The following LHFPL3 variants were observed in gnomAD, a reference collection of about 807,000 sequenced individuals.
LHFPL3 encodes the protein LHFPL tetraspan subfamily member 3.
Under a neutral mutation model 19.3 loss-of-function variants are expected in LHFPL3, and 5 were observed. The observed-to-expected ratio is 0.26, with a 90% CI of 0.14 to 0.54. The LOEUF (loss-of-function observed/expected upper bound fraction) is 0.54. Ranked by LOEUF, LHFPL3 falls within the 20% of genes least tolerant of loss-of-function variation. The pLI, the probability that LHFPL3 is intolerant of heterozygous loss-of-function variation, is 0.94. For synonymous variants in LHFPL3, 133 were observed against 126.2 expected (o/e 1.05, Z -0.36); for missense variants, 249 against 307.4 (o/e 0.81, Z 1.42).
At chr7:104,672,461 G>A (rs7791120) in intron 1 of LHFPL3, among the ~76,000 whole-genome samples, 10,811 of 152,166 alleles carry the variant, frequency 0.071, 642 homozygotes, top group African/African-American at 0.16. Flanking sequence ...GAATGAATGC[G>A]TAAGTGAGTA....
chr7:104,371,542 G>C (rs1438344702), intron 1 of LHFPL3, among the ~76,000 whole-genome samples: 1 of 152,106 alleles, frequency 6.6e-6, no homozygotes, highest in East Asian at 1.9e-4. Context: ...ATAGCTCACT[G>C]TTTTCACTTC....
At chr7:104,484,394 A>G (rs564411006) in intron 1 of LHFPL3, among the ~76,000 whole-genome samples, 3 of 152,276 alleles carry the variant, frequency 2.0e-5, no homozygotes, top group African/African-American at 7.2e-5. Flanking sequence ...CAGCATGGCC[A>G]TTGCTGGGCC....
rs916416852 is a variant in LHFPL3, at chr7:104,663,597, C to G, written c.446-73078C>G. Among the ~76,000 whole-genome samples, 3 of 152,156 alleles carry G rather than the reference C, an allele frequency of 2.0e-5. 1 individual carries two copies. Among genetic ancestry groups the G allele is most frequent in the Admixed American group, 1.3e-4 (2 of 15,280 alleles). On this transcript the variant is annotated intron_variant, in intron 1 of 2. Coordinates refer to ENST00000424859, the MANE Select transcript of LHFPL3 (RefSeq NM_199000.3). Reference sequence around the variant, plus strand: ...AAAGACTCATATGCCCTGCTAGCAGCCTTATTGTCATGGGAAGCCAAAGAC... The same window carrying G: ...AAAGACTCATATGCCCTGCTAGCAGGCTTATTGTCATGGGAAGCCAAAGAC...
At chr7:104,342,202 GGAATT>G (rs2116368257) in intron 1 of LHFPL3, among the ~76,000 whole-genome samples, 1 of 151,798 alleles carries the variant, frequency 6.6e-6, no homozygotes, top group Non-Finnish European at 1.5e-5. Context: ...AAGAAATTGA[GGAATT>G]CAGAACTCTA....
chr7:104,769,504 A>T (rs905407368), intron 2 of LHFPL3, among the ~76,000 whole-genome samples: 3 of 152,196 alleles, frequency 2.0e-5, no homozygotes, highest in Admixed American at 1.3e-4. Context: ...ACATGTGCAG[A>T]ACATGCAGGT....
At chr7:104,474,156 A>G (rs1021466900) in intron 1 of LHFPL3, among the ~76,000 whole-genome samples, 5 of 152,158 alleles carry the variant, frequency 3.3e-5, no homozygotes, top group Admixed American at 3.3e-4. Flanking sequence ...AAGTCCACCA[A>G]TTGTATAAGA....
intron 1 of LHFPL3, chr7:104,669,312 G>T: frequency 6.2e-7 from 1 of 1,613,978 alleles, no homozygotes; most frequent in Non-Finnish European, 8.5e-7. Context: ...GACCAGGAAG[G>T]AAAGATGAAA....
chr7:104,653,060 CA>C (rs1207322802), intron 1 of LHFPL3, among the ~76,000 whole-genome samples: 1 of 132,698 alleles, frequency 7.5e-6, no homozygotes, highest in African/African-American at 2.8e-5. Context: ...TAAATTCTGG[CA>C]GCCTTAAGGT....
chr7:104,880,504 A>C (rs1198826039), intron 2 of LHFPL3, among the ~76,000 whole-genome samples: 1 of 152,166 alleles, frequency 6.6e-6, no homozygotes, highest in Non-Finnish European at 1.5e-5. Context: ...ACTAAGTTGA[A>C]GCCAGTGCTC....
intron 2 of LHFPL3, among the ~76,000 whole-genome samples, chr7:104,783,555 C>T (rs34680468): frequency 0.15 from 23,090 of 152,166 alleles, 2,148 homozygotes; most frequent in East Asian, 0.46. Context: ...AATGCACCGA[C>T]GATATTTGTA....
chr7:104,502,163 A>G (rs748323336), intron 1 of LHFPL3, among the ~76,000 whole-genome samples: 3 of 152,234 alleles, frequency 2.0e-5, no homozygotes, highest in Admixed American at 6.5e-5. Context: ...TTTCACATCC[A>G]AAAGAACTGC....
chr7:104,880,859 A>C (rs543903317), intron 2 of LHFPL3, among the ~76,000 whole-genome samples: 1 of 152,250 alleles, frequency 6.6e-6, no homozygotes, highest in South Asian at 2.1e-4. Context: ...TTCTACTTTC[A>C]AGTCTTATTA....
intron 1 of LHFPL3, among the ~76,000 whole-genome samples, chr7:104,630,088 G>C (rs961472536): frequency 6.6e-6 from 1 of 152,156 alleles, no homozygotes; most frequent in Non-Finnish European, 1.5e-5. Flanking sequence ...AGAAATATAG[G>C]AGAAATAAAA....
intron 1 of LHFPL3, among the ~76,000 whole-genome samples, chr7:104,561,597 C>A (rs1790005156): frequency 6.6e-6 from 1 of 152,174 alleles, no homozygotes; most frequent in East Asian, 1.9e-4. Context: ...AGATGGGTTT[C>A]CTGAATACAG....
chr7:104,552,741 T>C (rs79566037), intron 1 of LHFPL3, among the ~76,000 whole-genome samples: 6,755 of 152,284 alleles, frequency 0.044, 461 homozygotes, highest in African/African-American at 0.15. Context: ...GGAAATATTT[T>C]AAGTGTAGAG....
intron 1 of LHFPL3, among the ~76,000 whole-genome samples, chr7:104,362,954 A>T (rs890535699): frequency 1.3e-5 from 2 of 152,256 alleles, no homozygotes; most frequent in African/African-American, 4.8e-5. Flanking sequence ...TCTGAAAAAA[A>T]TACCTCAAAC....
chr7:104,595,736 C>T (rs543282200), intron 1 of LHFPL3, among the ~76,000 whole-genome samples: 94 of 152,344 alleles, frequency 6.2e-4, no homozygotes, highest in African/African-American at 2.2e-3. Context: ...GCTTCTTGGC[C>T]GCTTTGTTTA....
intron 1 of LHFPL3, among the ~76,000 whole-genome samples, chr7:104,719,103 T>A (rs963761539): frequency 2.6e-5 from 4 of 152,184 alleles, no homozygotes; most frequent in African/African-American, 9.6e-5. Flanking sequence ...TTTATTAAAA[T>A]TTTTATTAAA....
At chr7:104,708,984 A>G (rs1386741559) in intron 1 of LHFPL3, among the ~76,000 whole-genome samples, 1 of 151,996 alleles carries the variant, frequency 6.6e-6, no homozygotes, top group African/African-American at 2.4e-5. Context: ...GATATGTAAA[A>G]CCACTTTAGG....
Sources: gnomAD v4.1 joint callset for allele counts (sites outside exome capture counted in the v4.1 genomes callset) on GRCh38, gnomAD v4.1.1 for gene constraint, MANE v1.5 for transcripts, NCBI Gene and HGNC (gene_info 2026-07-23, HGNC 2026-07-21) for gene names.